Variants in LRP6 observed in about 807,000 individuals in gnomAD.
LRP6 encodes the protein low-density lipoprotein receptor-related protein 6.
LRP6 carries 43 observed loss-of-function variants against 184.1 expected under a neutral mutation model. The ratio of observed to expected loss-of-function variants is 0.23; its 90% CI spans 0.18 to 0.30. The LOEUF is 0.30. LRP6 is among the 10% of genes least tolerant of loss of function. The pLI is 1.00. For synonymous variants in LRP6, 719 were observed against 684.9 expected, an observed-to-expected ratio of 1.05 and a Z score of -0.78; for missense variants, 1,571 against 2,005.3, an observed-to-expected ratio of 0.78 and a Z score of 4.14.
intron 4 of LRP6, among the ~76,000 whole-genome samples, chr12:12,185,589 C>T (rs1046663259): frequency 6.6e-6 from 1 of 152,154 alleles, no homozygotes; most frequent in African/African-American, 2.4e-5. Context: ...AAGTGCCAAA[C>T]CCTTAACATT....
intron 15 of LRP6, 147 bp downstream of exon 15, chr12:12,147,219 C>G (rs1591885170): frequency 1.3e-6 from 1 of 779,572 alleles, no homozygotes. Flanking sequence ...GAAGAAAAAG[C>G]TCTTCACCAA....
chr12:12,262,149 C>A (rs1865631544), intron 1 of LRP6, among the ~76,000 whole-genome samples: 2 of 152,036 alleles, frequency 1.3e-5, no homozygotes, highest in Admixed American at 6.6e-5. Flanking sequence ...GAGGTCAAGG[C>A]AGGTGGATAA....
intron 16 of LRP6, among the ~76,000 whole-genome samples, chr12:12,136,460 T>C (rs1230480261): frequency 6.6e-6 from 1 of 152,246 alleles, no homozygotes; most frequent in Middle Eastern, 3.2e-3. Flanking sequence ...ATACTATAAA[T>C]GTCTAACTTC....
At chr12:12,141,039 T>G (rs759104923) in intron 15 of LRP6, among the ~76,000 whole-genome samples, 10 of 152,116 alleles carry the variant, frequency 6.6e-5, no homozygotes, top group Non-Finnish European at 1.5e-5. Flanking sequence ...ACAAAGGTTA[T>G]CTACAGAAAA....
chr12:12,249,398 C>A, intron 1 of LRP6: 1 of 877,264 alleles, frequency 1.1e-6, no homozygotes, highest in Non-Finnish European at 1.9e-6. Context: ...GAAACTCCCT[C>A]AGCCACCTCA....
At chr12:12,138,726 C>A in intron 15 of LRP6, 192 bp from the exon 16 acceptor site, 1 of 1,396,500 alleles carries the variant, frequency 7.2e-7, no homozygotes, top group South Asian at 1.4e-5. Context: ...TATTAATATG[C>A]AATCAAGAGC....
intron 2 of LRP6, among the ~76,000 whole-genome samples, chr12:12,229,908 T>C (rs1295128546): frequency 6.6e-6 from 1 of 152,220 alleles, no homozygotes; most frequent in East Asian, 1.9e-4. Context: ...ACATATGTAC[T>C]TGATAATGAT....
rs562732259 is a variant in LRP6, at chr12:12,238,588, C to G, written c.449+5674G>C. Reference sequence around the variant, plus strand: ...ACAATGCAATACAGACTTAATCGTACCAACAATTAAAGCCATACACCCTCA... The same window carrying G: ...ACAATGCAATACAGACTTAATCGTAGCAACAATTAAAGCCATACACCCTCA... On this transcript the variant is annotated intron_variant, in intron 2 of 22. Coordinates refer to ENST00000261349, the MANE Select transcript of LRP6 (RefSeq NM_002336.3). Among the ~76,000 whole-genome samples, 12 of 152,104 alleles carry G rather than the reference C, an allele frequency of 7.9e-5. No homozygotes were observed. In the East Asian group the frequency reaches 2.3e-3, roughly 29 times the overall value.
At chr12:12,200,277 C>A (rs76384864) in intron 3 of LRP6, among the ~76,000 whole-genome samples, 6,262 of 152,292 alleles carry the variant, frequency 0.041, 178 homozygotes, top group Middle Eastern at 0.16. Flanking sequence ...AATCCACATT[C>A]TTCCTGGCAG....
At chr12:12,257,076 A>G (rs1475840855) in intron 1 of LRP6, among the ~76,000 whole-genome samples, 2 of 152,168 alleles carry the variant, frequency 1.3e-5, no homozygotes, top group Non-Finnish European at 2.9e-5. Context: ...TAGAGACAGA[A>G]AGTAAATTCA....
chr12:12,208,002 A>G (rs1052816402), intron 2 of LRP6, among the ~76,000 whole-genome samples: 11 of 152,250 alleles, frequency 7.2e-5, no homozygotes, highest in African/African-American at 2.4e-4. Context: ...GTCATTAAAC[A>G]AAAACACACA....
intron 12 of LRP6, chr12:12,155,892 T>C: frequency 1.7e-6 from 1 of 573,740 alleles, no homozygotes; most frequent in South Asian, 2.2e-5. Context: ...AAGCCTTGCC[T>C]TGTTTCTTCA....
intron 22 of LRP6, among the ~76,000 whole-genome samples, chr12:12,121,918 C>A (rs1949612062): frequency 6.6e-6 from 1 of 152,142 alleles, no homozygotes; most frequent in African/African-American, 2.4e-5. Context: ...AATTTCTGTA[C>A]AGTCCAGGCT....
chr12:12,231,180 C>CAAAAAAA (rs10661340), intron 2 of LRP6, among the ~76,000 whole-genome samples: 246 of 23,564 alleles, frequency 0.01, 73 homozygotes, highest in Admixed American at 0.017. Flanking sequence ...GACTCCATCT[C>CAAAAAAA]AAAAAAAAAA....
In LRP6 at chr12:12,170,327, T is replaced by C. The variant is rs988333497; in HGVS notation, c.1546-5032A>G. Among the ~76,000 whole-genome samples, 3 of 152,238 alleles carry C rather than the reference T, an allele frequency of 2.0e-5. No individual in the cohort carries two copies. In the South Asian group the frequency reaches 6.2e-4, roughly 32 times the overall value. ...AGTCTGGGTGAAAGAATGAGACTCA[T>C]CTCAAAAACAGTATAAAACAGTAGA... On this transcript the variant is annotated intron_variant, in intron 7 of 22. Coordinates refer to ENST00000261349, the MANE Select transcript of LRP6 (RefSeq NM_002336.3).
At chr12:12,249,362 C>A in intron 1 of LRP6, 1 of 1,057,946 alleles carries the variant, frequency 9.5e-7, no homozygotes. Flanking sequence ...AGAGCTTTGG[C>A]GCCTAATGGT....
intron 2 of LRP6, among the ~76,000 whole-genome samples, chr12:12,227,888 T>A (rs934412293): frequency 6.6e-6 from 1 of 152,160 alleles, no homozygotes; most frequent in African/African-American, 2.4e-5. Flanking sequence ...CCAAAACTGT[T>A]CTAAAAAATG....
In LRP6 at chr12:12,150,188, G is replaced by A. The variant is rs191484122; in HGVS notation, c.2994+648C>T. Among the ~76,000 whole-genome samples, 25 of 152,190 alleles carry A rather than the reference G, an allele frequency of 1.6e-4. No individual in the cohort carries two copies. In the East Asian group the frequency reaches 2.7e-3, roughly 16 times the overall value. The stretch of plus-strand genomic sequence containing the variant: ...CACAGAAAGCAAGCAAAGAAGTATC[G>A]ATAGTGATGTGTAAATCCATAATTG... On this transcript the variant is annotated intron_variant, in intron 13 of 22. Coordinates refer to ENST00000261349, the MANE Select transcript of LRP6 (RefSeq NM_002336.3).
chr12:12,265,966 G>A (rs1365855446), intron 1 of LRP6, among the ~76,000 whole-genome samples: 1 of 151,906 alleles, frequency 6.6e-6, no homozygotes, highest in Non-Finnish European at 1.5e-5. Context: ...TTCACACGAG[G>A]ATGAATTTCC....
Sources: gnomAD v4.1 joint callset for allele counts (sites outside exome capture counted in the v4.1 genomes callset) on GRCh38, gnomAD v4.1.1 for gene constraint, MANE v1.5 for transcripts, NCBI Gene and HGNC (gene_info 2026-07-23, HGNC 2026-07-21) for gene names.